Variants in PATL2 observed in about 807,000 individuals in gnomAD.
PATL2 encodes the protein protein PAT1 homolog 2.
PATL2 carries 73 observed loss-of-function variants against 77.0 expected under a neutral mutation model. The ratio of observed to expected loss-of-function variants is 0.95; its 90% CI spans 0.78 to 1.15. The LOEUF (loss-of-function observed/expected upper bound fraction) is 1.15. Ranked by LOEUF, PATL2 falls within the 50% of genes most tolerant of loss-of-function variation. The pLI, the probability that PATL2 is intolerant of heterozygous loss-of-function variation, is 0.00. For synonymous variants in PATL2, 265 were observed against 257.1 expected, an observed-to-expected ratio of 1.03 and a Z score of -0.29; for missense variants, 618 against 655.4, an observed-to-expected ratio of 0.94 and a Z score of 0.62.
chr15:44,674,107 G>A, intron 6 of PATL2, 43 bp downstream of exon 6: 5 of 1,488,564 alleles, frequency 3.4e-6, no homozygotes, highest in Non-Finnish European at 4.6e-6. Flanking sequence ...CATAATAGAT[G>A]GAATCCTCAC....
intron 3 of PATL2, among the ~76,000 whole-genome samples, chr15:44,694,537 T>C (rs976903519): frequency 6.6e-6 from 1 of 152,164 alleles, no homozygotes; most frequent in African/African-American, 2.4e-5. Flanking sequence ...TGTGTGTGTC[T>C]GTCTCCTACA....
chr15:44,689,809 A>G (rs946426604), intron 3 of PATL2, among the ~76,000 whole-genome samples: 19 of 152,206 alleles, frequency 1.2e-4, no homozygotes, highest in African/African-American at 4.6e-4. Flanking sequence ...ATGTATACCT[A>G]TGTAACAAAC....
intron 3 of PATL2, among the ~76,000 whole-genome samples, chr15:44,703,723 C>CTTT (rs933165876): frequency 0.055 from 1,800 of 33,020 alleles, 350 homozygotes; most frequent in African/African-American, 0.12. Context: ...CCGGGTCTTG[C>CTTT]TTTTTTTTTT....
chr15:44,672,879 C>T (rs936681269), intron 7 of PATL2, among the ~76,000 whole-genome samples: 3 of 152,178 alleles, frequency 2.0e-5, no homozygotes, highest in Non-Finnish European at 2.9e-5. Context: ...CCTGCCTCAG[C>T]CTCCCAAGTA....
At chr15:44,679,119 T>C (rs750897450) in intron 3 of PATL2, among the ~76,000 whole-genome samples, 15 of 152,018 alleles carry the variant, frequency 9.9e-5, no homozygotes, top group Non-Finnish European at 1.9e-4. Flanking sequence ...CTGGAGTGCA[T>C]TGGCACGATC....
chr15:44,686,409 G>C (rs182205560), intron 3 of PATL2, among the ~76,000 whole-genome samples: 1 of 152,296 alleles, frequency 6.6e-6, no homozygotes, highest in Non-Finnish European at 1.5e-5. Context: ...ATTTAAAGCA[G>C]TGTTTAAAGG....
At chr15:44,669,202 A>G in intron 13 of PATL2, 63 bp from the exon 14 acceptor site, 3 of 1,523,864 alleles carry the variant, frequency 2.0e-6, no homozygotes, top group Non-Finnish European at 1.8e-6. Context: ...ACATGCCACA[A>G]AGGAGAGGCA....
At chr15:44,674,568 TA>T (rs1000388274) in intron 5 of PATL2, among the ~76,000 whole-genome samples, 10 of 152,112 alleles carry the variant, frequency 6.6e-5, no homozygotes, top group Middle Eastern at 3.4e-3. Context: ...TATATATATT[TA>T]AAAAAAATTT....
chr15:44,702,943 G>A (rs1250596781), intron 3 of PATL2, among the ~76,000 whole-genome samples: 1 of 152,010 alleles, frequency 6.6e-6, no homozygotes, highest in Non-Finnish European at 1.5e-5. Context: ...GGAGAAGAAT[G>A]GGTATTCTGT....
intron 3 of PATL2, among the ~76,000 whole-genome samples, chr15:44,693,697 G>GTTT (rs1229129404): frequency 3.5e-5 from 5 of 143,938 alleles, no homozygotes; most frequent in African/African-American, 1.0e-4. Flanking sequence ...TTCTTTTTCT[G>GTTT]TTTTTTTTTT....
intron 7 of PATL2, among the ~76,000 whole-genome samples, chr15:44,672,756 AATAAATTTTT>A (rs1487791415): frequency 1.3e-5 from 2 of 152,036 alleles, no homozygotes; most frequent in East Asian, 3.9e-4. Flanking sequence ...CCTGATTGCA[AATAAATTTTT>A]ATTTTTAATT....
chr15:44,683,058 C>A (rs568473812), intron 3 of PATL2, among the ~76,000 whole-genome samples: 1 of 152,302 alleles, frequency 6.6e-6, no homozygotes, highest in African/African-American at 2.4e-5. Context: ...GCACTCTGAC[C>A]CAGATACTAC....
At chr15:44,684,749 C>T (rs2086215110) in intron 3 of PATL2, among the ~76,000 whole-genome samples, 1 of 152,112 alleles carries the variant, frequency 6.6e-6, no homozygotes, top group Non-Finnish European at 1.5e-5. Flanking sequence ...ATGGAGAACA[C>T]CACGAAGATA....
intron 5 of PATL2, 22 bp from the exon 6 acceptor site, chr15:44,674,252 A>T (rs1021582530): frequency 3.3e-6 from 5 of 1,510,524 alleles, no homozygotes; most frequent in Non-Finnish European, 4.5e-6. Context: ...GGGAGGAAAA[A>T]CCAGGCTCAA....
chr15:44,668,443 T>TA lies in PATL2; in HGVS notation c.1263dup (p.Ser422Ter). 1 of 1,551,406 alleles carries TA rather than the reference T, an allele frequency of 6.4e-7. No homozygotes were observed. The highest frequency in any genetic ancestry group is 8.7e-7 in the Non-Finnish European group (1 of 1,146,950). ...AGGAGTTCGTGGAGGGTCAAGTGAC[T>TA]AATACATTTGCCCAGAGGTTTGAAT... On this transcript the variant is annotated frameshift_variant, in exon 15 of 18. Coordinates refer to ENST00000682850, the MANE Select transcript of PATL2 (RefSeq NM_001387263.1). LOFTEE classifies it high-confidence loss of function.
chr15:44,691,648 G>A (rs2086394435), intron 3 of PATL2, among the ~76,000 whole-genome samples: 1 of 148,298 alleles, frequency 6.7e-6, no homozygotes, highest in South Asian at 2.1e-4. Context: ...GCCACAGAGT[G>A]AGACTCTGTC....
intron 3 of PATL2, among the ~76,000 whole-genome samples, chr15:44,703,256 A>G (rs964418261): frequency 1.3e-5 from 2 of 152,114 alleles, no homozygotes; most frequent in Non-Finnish European, 1.5e-5. Flanking sequence ...AGCCTGGGCA[A>G]CAGAGCAAGA....
intron 4 of PATL2, 48 bp from the exon 5 acceptor site, chr15:44,675,739 G>C (rs915896971): frequency 6.8e-7 from 1 of 1,475,004 alleles, no homozygotes; most frequent in African/African-American, 1.4e-5. Context: ...GGGCTCAGCT[G>C]TGAGTCTTGT....
intron 3 of PATL2, among the ~76,000 whole-genome samples, chr15:44,689,384 T>TCATG (rs1215416463): frequency 6.6e-6 from 1 of 152,180 alleles, no homozygotes; most frequent in Non-Finnish European, 1.5e-5. Flanking sequence ...GGATTATAAA[T>TCATG]CATGCTGCTA....
Sources: allele counts gnomAD v4.1 joint callset (sites outside exome capture counted in the v4.1 genomes callset), GRCh38; gene constraint gnomAD v4.1.1; transcripts MANE v1.5; gene names NCBI Gene and HGNC (gene_info 2026-07-23, HGNC 2026-07-21).